Variants in FNDC7 observed in about 807,000 individuals in gnomAD.
The protein encoded by FNDC7 is fibronectin type III domain containing 7, also known as fibronectin type III domain-containing protein 7.
Under a neutral mutation model 74.2 loss-of-function variants are expected in FNDC7, and 66 were observed. The ratio of observed to expected loss-of-function variants is 0.89; its 90% CI spans 0.73 to 1.09. The LOEUF (loss-of-function observed/expected upper bound fraction) is 1.09, where lower values mean the gene tolerates loss of function less well. Ranked by LOEUF, FNDC7 falls within the 50% of genes least tolerant of loss-of-function variation. The pLI, the probability that FNDC7 is intolerant of heterozygous loss-of-function variation, is 0.00. For synonymous variants in FNDC7, 307 were observed against 330.2 expected, an observed-to-expected ratio of 0.93 and a Z score of 0.76; for missense variants, 829 against 893.4, an observed-to-expected ratio of 0.93 and a Z score of 0.92.
At chr1:108,741,656 T>G (rs1304446097) in intron 11 of FNDC7, 117 bp from the exon 12 acceptor site, 1 of 1,065,568 alleles carries the variant, frequency 9.4e-7, no homozygotes, top group Admixed American at 2.0e-5. Flanking sequence ...CGTGAAGTGC[T>G]GCAAAAATAG....
intron 5 of FNDC7, among the ~76,000 whole-genome samples, 162 bp downstream of exon 5, chr1:108,722,754 T>C (rs907524040): frequency 2.6e-5 from 4 of 152,256 alleles, no homozygotes; most frequent in African/African-American, 9.6e-5. Context: ...TGAATAATAT[T>C]GATAGTGAAG....
intron 10 of FNDC7, chr1:108,734,163 GT>G (rs1661457562): frequency 1.3e-5 from 2 of 152,256 alleles, no homozygotes; most frequent in Non-Finnish European, 1.5e-5. Flanking sequence ...TTTTAACATA[GT>G]CTTGCTGATA....
At position 108,713,015 on chromosome 1, in the gene FNDC7, C is replaced by G. The variant is rs777795247; in HGVS notation, c.63+19C>G. 19 of 1,542,978 alleles carry G rather than the reference C, an allele frequency of 1.2e-5. No individual in the cohort carries two copies. The highest frequency in any genetic ancestry group is 1.6e-5 in the Non-Finnish European group (18 of 1,140,724). ...TAAAATGGTGAGTTCATCATTCCAA[C>G]TACCCACAACTATTTAGGGGAAAAA... is the stretch of plus-strand genomic sequence containing the variant. On this transcript the variant is annotated intron_variant, in intron 1 of 12. Coordinates refer to ENST00000370017, the MANE Select transcript of FNDC7 (RefSeq NM_001144937.3).
chr1:108,723,635 G>A (rs1457833912), intron 5 of FNDC7, among the ~76,000 whole-genome samples: 1 of 152,156 alleles, frequency 6.6e-6, no homozygotes, highest in Non-Finnish European at 1.5e-5. Context: ...GCGATTATGA[G>A]GACAAGATAG....
intron 1 of FNDC7, 133 bp downstream of exon 1, chr1:108,713,129 G>T: frequency 1.3e-6 from 1 of 756,412 alleles, no homozygotes. Context: ...TTGTACCGAG[G>T]TTGTATATGT....
chr1:108,728,356 A>G (rs1661266424), intron 7 of FNDC7, among the ~76,000 whole-genome samples: 1 of 152,156 alleles, frequency 6.6e-6, no homozygotes. Context: ...CTGTACTCAC[A>G]CCATGAAGGT....
chr1:108,739,210 G>A (rs1020312950), intron 11 of FNDC7, among the ~76,000 whole-genome samples: 1 of 152,204 alleles, frequency 6.6e-6, no homozygotes, highest in Admixed American at 6.5e-5. Context: ...AAGGTGGGGT[G>A]GCAAGGAGAG....
At position 108,717,870 on chromosome 1, in the gene FNDC7, T is replaced by A. The variant is rs774082362; in HGVS notation, c.176T>A (p.Leu59His). ...WATVPGATSY[L>H]LTAEDGDTVI... is the part of the protein sequence containing the mutation. ...ACAGTGCCGGGTGCCACCAGTTACC[T>A]CCTCACGGCTGAAGACGGGGACACA... is the stretch of plus-strand genomic sequence containing the variant. Residue 59 changes from leucine to histidine, a missense_variant, in exon 3 of 13, where the codon CTC (leucine) becomes CAC (histidine). By Grantham distance (99) the Leu-to-His change is moderately conservative. Transcript: ENST00000370017. 6.4e-7 allele frequency: 1 copy of A among 1,551,558 alleles called. No individual in the cohort carries two copies. The highest frequency in any genetic ancestry group is 2.0e-5 in the Admixed American group (1 of 50,986).
intron 9 of FNDC7, 28 bp from the exon 10 acceptor site, chr1:108,733,244 T>C (rs1468111625): frequency 6.3e-7 from 1 of 1,594,830 alleles, no homozygotes; most frequent in Non-Finnish European, 8.6e-7. Context: ...AAACAAGTGA[T>C]TTTGTGTTTG....
intron 11 of FNDC7, among the ~76,000 whole-genome samples, chr1:108,740,577 C>T (rs990362295): frequency 4.6e-4 from 70 of 152,268 alleles, no homozygotes; most frequent in African/African-American, 1.6e-3. Flanking sequence ...ATCCACCTGC[C>T]TTGGCCTCCC....
At chr1:108,733,789 T>C (rs148758498) in intron 10 of FNDC7, among the ~76,000 whole-genome samples, 137 of 152,106 alleles carry the variant, frequency 9.0e-4, no homozygotes, top group African/African-American at 3.2e-3. Context: ...TAGCTGCGAT[T>C]ACAGGCACCT....
chr1:108,732,677 C>T (rs1176789574), intron 9 of FNDC7, among the ~76,000 whole-genome samples: 1 of 152,172 alleles, frequency 6.6e-6, no homozygotes, highest in East Asian at 1.9e-4. Context: ...ACACCACCTT[C>T]ACACATGGAT....
chr1:108,713,777 A>T (rs1269854185), intron 2 of FNDC7, among the ~76,000 whole-genome samples: 2 of 152,264 alleles, frequency 1.3e-5, no homozygotes, highest in African/African-American at 4.8e-5. Flanking sequence ...TATAATGTAC[A>T]GAGCCATGTA....
chr1:108,728,599 T>C (rs1350924101), intron 7 of FNDC7, 33 bp from the exon 8 acceptor site: 23 of 1,610,292 alleles, frequency 1.4e-5, no homozygotes, highest in Non-Finnish European at 1.9e-5. Flanking sequence ...TTTTGACTCA[T>C]GCTGGTTCAA....
At chr1:108,727,535 G>T (rs965163116) in intron 6 of FNDC7, among the ~76,000 whole-genome samples, 1 of 152,106 alleles carries the variant, frequency 6.6e-6, no homozygotes, top group Admixed American at 6.5e-5. Flanking sequence ...CGCACGTGGC[G>T]TGGGGGAATT....
rs777627556 is a variant in FNDC7, at chr1:108,733,471, G to A, written c.2079G>A (p.Met693Ile). 1.8e-5 allele frequency: 29 copies of A among 1,613,826 alleles called. No homozygotes were observed. In the African/African-American group the frequency reaches 3.9e-4, roughly 22 times the overall value. Residue 693 changes from methionine (M) to isoleucine (I), a missense_variant, in exon 10 of 13, where the codon ATG becomes ATA. Physicochemically the swap from Met to Ile is conservative, Grantham distance 10. Transcript: ENST00000370017. ...EIPCGDVYTVMVSPVAKTGLK... is the reference protein window; with the variant it reads ...EIPCGDVYTVIVSPVAKTGLK... ...CCTGTGGGGATGTATACACTGTGATGGTCTCACCAGTTGCTAAAACAGGAT... is the reference window on the plus strand; with the variant it reads ...CCTGTGGGGATGTATACACTGTGATAGTCTCACCAGTTGCTAAAACAGGAT...
intron 11 of FNDC7, among the ~76,000 whole-genome samples, chr1:108,737,877 T>A (rs911304550): frequency 1.3e-5 from 2 of 152,218 alleles, no homozygotes; most frequent in East Asian, 1.9e-4. Flanking sequence ...TTAACTGATG[T>A]CTGGTTCTGT....
intron 5 of FNDC7, 26 bp downstream of exon 5, chr1:108,722,618 G>C: frequency 6.3e-7 from 1 of 1,593,688 alleles, no homozygotes; most frequent in South Asian, 1.1e-5. Flanking sequence ...TGAGACTGCT[G>C]TCGGGCTTGC....
intron 2 of FNDC7, among the ~76,000 whole-genome samples, chr1:108,716,318 GA>G (rs770831476): frequency 0.46 from 57,320 of 124,718 alleles, 13,408 homozygotes; most frequent in East Asian, 0.62. Context: ...GAGCAGAAGA[GA>G]GGTGTGTGTG....
Sources: allele counts gnomAD v4.1 joint callset (sites outside exome capture counted in the v4.1 genomes callset), GRCh38; gene constraint gnomAD v4.1.1; transcripts MANE v1.5; gene names NCBI Gene and HGNC (gene_info 2026-07-23, HGNC 2026-07-21).